The following ALPK2 variants were observed in gnomAD, a reference collection of about 807,000 sequenced individuals.
The protein encoded by ALPK2 is alpha-protein kinase 2.
Under a neutral mutation model 163.1 loss-of-function variants are expected in ALPK2, and 127 were observed. That is an observed-to-expected ratio of 0.78 (90% CI 0.67 to 0.90). ALPK2 has a LOEUF of 0.90. ALPK2 is among the 40% of genes least tolerant of loss of function. ALPK2 has a pLI of 0.00. For missense variants in ALPK2, 2,360 were observed against 2,589.6 expected (o/e 0.91, Z 1.92); for synonymous variants, 953 against 959.1 (o/e 0.99, Z 0.12).
chr18:58,498,596 T>A (rs1287166131), intron 11 of ALPK2, among the ~76,000 whole-genome samples: 2 of 152,176 alleles, frequency 1.3e-5, no homozygotes. Flanking sequence ...CACCCAAATC[T>A]CATCTTGAAT....
chr18:58,549,071 T>C (rs954020063), intron 4 of ALPK2, among the ~76,000 whole-genome samples: 1 of 152,332 alleles, frequency 6.6e-6, no homozygotes, highest in Middle Eastern at 3.4e-3. Context: ...GCCTGGTTTG[T>C]TGGGGTCTTT....
At chr18:58,493,547 A>G (rs745562558) in intron 12 of ALPK2, among the ~76,000 whole-genome samples, 1 of 151,678 alleles carries the variant, frequency 6.6e-6, no homozygotes, top group Non-Finnish European at 1.5e-5. Context: ...TTCTTTTGGA[A>G]CTCAGCTTGG....
chr18:58,535,999 A>C lies in ALPK2; in HGVS notation c.4188T>G (p.Pro1396=). The C allele has an allele frequency of 6.2e-7, 1 of 1,613,712 alleles. No individual in the cohort carries two copies. Among genetic ancestry groups the C allele is most frequent in the Non-Finnish European group, 8.5e-7 (1 of 1,179,760 alleles). The change falls in exon 5 of 13, where the codon CCT becomes CCG. Residue 1396 remains proline (P), a synonymous_variant. Transcript: ENST00000361673. ...TAFFKKFLTC[P]KILESSVDPI... is the part of the protein sequence containing the mutation. ...GATCTACAGAGGACTCTAGGATTTTAGGGCAGGTCAGAAACTTTTTAAAGA... is the reference window on the plus strand; with the variant it reads ...GATCTACAGAGGACTCTAGGATTTTCGGGCAGGTCAGAAACTTTTTAAAGA...
intron 4 of ALPK2, among the ~76,000 whole-genome samples, chr18:58,572,516 C>T (rs776264562): frequency 5.3e-5 from 8 of 152,136 alleles, no homozygotes; most frequent in South Asian, 2.1e-4. Context: ...AAAGACTAAG[C>T]GAACTGCGTG....
Position 58,573,382 on chromosome 18 carries a change from GTA to G in ALPK2, c.1962+5430_1962+5431del, listed in dbSNP as rs199640953. Among the ~76,000 whole-genome samples the G allele has an allele frequency of 7.9e-4, 109 of 138,570 alleles. 2 individuals carry two copies. The highest frequency in any genetic ancestry group is 4.0e-3 in the East Asian group (19 of 4,752). 90.9% of individuals were successfully genotyped at this position (138,570 alleles called of 152,430 possible). A position where few individuals can be genotyped will look rare whatever the true frequency, so the allele number is the denominator to read the frequency against. ...TGTGTGTGTATATATATATGTGTGT[GTA>G]TATATATATATGTGTGTATATATAT... On this transcript the variant is annotated intron_variant, in intron 4 of 12. Transcript: ENST00000361673.
At chr18:58,542,633 A>C (rs1438412961) in intron 4 of ALPK2, among the ~76,000 whole-genome samples, 1 of 152,206 alleles carries the variant, frequency 6.6e-6, no homozygotes, top group Non-Finnish European at 1.5e-5. Flanking sequence ...GGAAAGTACC[A>C]AGGAAGGACA....
At chr18:58,492,544 C>T (rs1169646745) in intron 12 of ALPK2, among the ~76,000 whole-genome samples, 1 of 152,222 alleles carries the variant, frequency 6.6e-6, no homozygotes, top group Admixed American at 6.5e-5. Flanking sequence ...CCCTCTCAGC[C>T]ATCCCTGTAC....
At chr18:58,498,148 A>G in intron 11 of ALPK2, 51 bp from the exon 12 acceptor site, 5 of 1,589,984 alleles carry the variant, frequency 3.1e-6, no homozygotes, top group East Asian at 2.2e-5. Flanking sequence ...AGGGCCCCTC[A>G]GGAAGTTGGG....
chr18:58,481,979 G>A lies in ALPK2; in HGVS notation c.6357C>T (p.His2119=), dbSNP rs1283524070. Reference sequence around the variant, plus strand: ...GCATTTTGCAATACTTGTTACACTGGTGTAGTGCTTTAAACTGATCAATGA... The same window carrying A: ...GCATTTTGCAATACTTGTTACACTGATGTAGTGCTTTAAACTGATCAATGA... The part of the protein sequence containing the change: ...MTFIDQFKAL[H]QCNKYCKMLG... The change falls in exon 13 of 13, where the codon CAC becomes CAT. Residue 2119 remains histidine (H), a synonymous_variant. Transcript: ENST00000361673. 1 of 1,614,126 alleles carries A rather than the reference G, an allele frequency of 6.2e-7. No individual in the cohort carries two copies. Among genetic ancestry groups the A allele is most frequent in the Admixed American group, 1.7e-5 (1 of 60,008 alleles).
intron 2 of ALPK2, among the ~76,000 whole-genome samples, chr18:58,611,149 G>A (rs1044359051): frequency 6.6e-6 from 1 of 150,992 alleles, no homozygotes; most frequent in African/African-American, 2.4e-5. Flanking sequence ...ACAGTGGTGC[G>A]TGCCTCTATT....
chr18:58,530,639 G>A (rs371374353), intron 5 of ALPK2, among the ~76,000 whole-genome samples: 17 of 152,308 alleles, frequency 1.1e-4, no homozygotes, highest in African/African-American at 3.8e-4. Flanking sequence ...GGAGGATGGC[G>A]GGAAGGGCAT....
rs773192836 is a variant in ALPK2 at position 58,578,736 on chromosome 18, A to ACACACACGCGCG, written c.1962+77_1962+78insCGCGCGTGTGTG. 10 of 760,640 alleles carry ACACACACGCGCG rather than the reference A, an allele frequency of 1.3e-5. No homozygotes were observed. In the East Asian group the frequency reaches 2.3e-4, roughly 17 times the overall value. The allele number at this position is 760,640 out of a possible 1,614,324, so 47.1% of individuals were successfully genotyped here. A position where few individuals can be genotyped will look rare whatever the true frequency, so the allele number is the denominator to read the frequency against. On this transcript the variant is annotated intron_variant, in intron 4 of 12. Transcript: ENST00000361673. Reference sequence around the variant, plus strand: ...GTGAATGTGAAGTAAAGGAAGAGACACACACACACACACACACACACACAC... The same window carrying ACACACACGCGCG: ...GTGAATGTGAAGTAAAGGAAGAGACACACACACGCGCGCACACACACACACACACACACACAC...
At chr18:58,549,780 T>C (rs116698757) in intron 4 of ALPK2, among the ~76,000 whole-genome samples, 1,933 of 152,286 alleles carry the variant, frequency 0.013, 40 homozygotes, top group African/African-American at 0.043. Context: ...GCTCACTTTC[T>C]AGTACTGCTG....
chr18:58,577,815 TAA>T (rs1156427544), intron 4 of ALPK2: 1 of 152,228 alleles, frequency 6.6e-6, no homozygotes, highest in Non-Finnish European at 1.5e-5. Flanking sequence ...TTCACAGAGT[TAA>T]GTCACTTTGC....
At chr18:58,549,317 T>A (rs1339840558) in intron 4 of ALPK2, among the ~76,000 whole-genome samples, 1 of 152,136 alleles carries the variant, frequency 6.6e-6, no homozygotes, top group Non-Finnish European at 1.5e-5. Flanking sequence ...ATGAGGGAAA[T>A]CAAAGGTAAG....
intron 12 of ALPK2, among the ~76,000 whole-genome samples, chr18:58,488,556 A>G (rs991639056): frequency 6.6e-6 from 1 of 150,958 alleles, no homozygotes; most frequent in Non-Finnish European, 1.5e-5. Context: ...AGAGAAACCA[A>G]GGTTCTTGGC....
At position 58,554,657 on chromosome 18, in the gene ALPK2, T is replaced by G. The variant is rs565527394; in HGVS notation, c.1963-16433A>C. 2.6e-4 allele frequency among the ~76,000 whole-genome samples: 40 copies of G among 152,264 alleles called. No homozygotes were observed. In the South Asian group the frequency reaches 2.9e-3, roughly 11 times the overall value. On this transcript the variant is annotated intron_variant, in intron 4 of 12. Transcript: ENST00000361673. ...TTCAGTTGGTCCTTTCGACCAGCCG[T>G]GAAGTAACAGGCTTCTCTGCCCTCC...
At position 58,553,162 on chromosome 18, in the gene ALPK2, C is replaced by A. The variant is rs112709631; in HGVS notation, c.1963-14938G>T. 1.9e-3 allele frequency among the ~76,000 whole-genome samples: 294 copies of A among 152,300 alleles called. 1 individual carries two copies. The highest frequency in any genetic ancestry group is 6.9e-3 in the African/African-American group (288 of 41,580). On this transcript the variant is annotated intron_variant, in intron 4 of 12. Transcript: ENST00000361673. ...TTCTCTCTCAGACCTCCAGGGAAAACCAATACTGCCAACTGTCTGCTGATT... is the reference window on the plus strand; with the variant it reads ...TTCTCTCTCAGACCTCCAGGGAAAAACAATACTGCCAACTGTCTGCTGATT...
intron 10 of ALPK2, among the ~76,000 whole-genome samples, chr18:58,506,781 T>C (rs1436271991): frequency 2.0e-5 from 3 of 152,256 alleles, no homozygotes; most frequent in African/African-American, 4.8e-5. Context: ...ACTGTTGACA[T>C]CTGGACAGAC....
Sources: allele counts gnomAD v4.1 joint callset (sites outside exome capture counted in the v4.1 genomes callset), GRCh38; gene constraint gnomAD v4.1.1; transcripts MANE v1.5; gene names NCBI Gene and HGNC (gene_info 2026-07-23, HGNC 2026-07-21).